Variants in STK32B observed in about 807,000 individuals in gnomAD.
STK32B encodes the protein serine/threonine kinase 32B.
In STK32B, 43 loss-of-function variants were observed where a neutral mutation model predicts 52.6. The observed-to-expected ratio is 0.82, with a 90% confidence interval of 0.64 to 1.05. The LOEUF is 1.05. Among genes scored for constraint, STK32B ranks in the 50% least tolerant of loss-of-function variants. The pLI, the probability that STK32B is intolerant of heterozygous loss-of-function variation, is 0.00. For synonymous variants in STK32B, 238 were observed against 204.3 expected (o/e 1.17, Z -1.41); for missense variants, 621 against 534.6 (o/e 1.16, Z -1.59).
chr4:5,468,219 G>C, intron 11 of STK32B, 149 bp downstream of exon 11: 1 of 750,814 alleles, frequency 1.3e-6, no homozygotes, highest in Non-Finnish European at 2.2e-6. Context: ...TCTGGTGGGG[G>C]GTGAAACTCC....
intron 3 of STK32B, among the ~76,000 whole-genome samples, chr4:5,314,960 G>GA (rs1730565332): frequency 6.6e-6 from 1 of 152,116 alleles, no homozygotes; most frequent in African/African-American, 2.4e-5. Flanking sequence ...TCATAAAAGT[G>GA]AAAATTGATA....
chr4:5,262,485 C>T (rs1283841718), intron 3 of STK32B, among the ~76,000 whole-genome samples: 1 of 151,678 alleles, frequency 6.6e-6, no homozygotes, highest in Non-Finnish European at 1.5e-5. Flanking sequence ...ATTAGCCGGC[C>T]GTGGTGGCGG....
At chr4:5,278,052 T>G (rs1267294367) in intron 3 of STK32B, among the ~76,000 whole-genome samples, 2 of 152,216 alleles carry the variant, frequency 1.3e-5, no homozygotes, top group African/African-American at 4.8e-5. Flanking sequence ...CACTTTGTTG[T>G]ACTTATCATT....
chr4:5,142,553 T>A (rs544030916), intron 2 of STK32B, among the ~76,000 whole-genome samples: 49 of 152,362 alleles, frequency 3.2e-4, no homozygotes, highest in Non-Finnish European at 5.9e-4. Flanking sequence ...GGCATTTATG[T>A]TGTCAAGTGA....
At chr4:5,334,655 A>T (rs1344544625) in intron 4 of STK32B, among the ~76,000 whole-genome samples, 2 of 151,564 alleles carry the variant, frequency 1.3e-5, no homozygotes, top group African/African-American at 2.4e-5. Flanking sequence ...TGTCCCATCA[A>T]TACCTAATTT....
At chr4:5,319,322 C>G (rs1239641752) in intron 3 of STK32B, among the ~76,000 whole-genome samples, 1 of 152,198 alleles carries the variant, frequency 6.6e-6, no homozygotes, top group East Asian at 1.9e-4. Flanking sequence ...GGGCTCATCA[C>G]TGCTTACCAA....
chr4:5,245,712 A>C (rs1725396216), intron 3 of STK32B, among the ~76,000 whole-genome samples: 1 of 152,072 alleles, frequency 6.6e-6, no homozygotes, highest in African/African-American at 2.4e-5. Flanking sequence ...GGCTGGTACC[A>C]GTTGTTCCTT....
At chr4:5,232,751 A>C (rs1724359169) in intron 3 of STK32B, among the ~76,000 whole-genome samples, 1 of 152,176 alleles carries the variant, frequency 6.6e-6, no homozygotes. Flanking sequence ...TGGGTGCTGG[A>C]CAGCTCTCCT....
intron 2 of STK32B, among the ~76,000 whole-genome samples, chr4:5,159,620 A>AATATATATATGAAT (rs1450084782): frequency 3.8e-5 from 4 of 104,602 alleles, no homozygotes; most frequent in Non-Finnish European, 5.3e-5. Flanking sequence ...AATATATATG[A>AATATATATATGAAT]ATATATATGA....
chr4:5,387,901 G>A (rs1736359568), intron 4 of STK32B, among the ~76,000 whole-genome samples: 1 of 152,150 alleles, frequency 6.6e-6, no homozygotes, highest in South Asian at 2.1e-4. Context: ...CCTGCCACAT[G>A]CCCGGCTAAT....
Position 5,254,662 on chromosome 4 carries a change from T to C in STK32B, c.261-76558T>C, listed in dbSNP as rs148661046. Among the ~76,000 whole-genome samples, 731 of 152,290 alleles carry C rather than the reference T, an allele frequency of 4.8e-3. 4 individuals are homozygous for C. The highest frequency in any genetic ancestry group is 0.016 in the African/African-American group (660 of 41,558). ...GTGTGTTATAAAATTTCCAAACATTTGGAGATTGTTTAGCTTTTTCTTATT... is the reference window on the plus strand; with the variant it reads ...GTGTGTTATAAAATTTCCAAACATTCGGAGATTGTTTAGCTTTTTCTTATT... On this transcript the variant is annotated intron_variant, in intron 3 of 11. Coordinates refer to ENST00000282908, the MANE Select transcript of STK32B (RefSeq NM_018401.3).
intron 7 of STK32B, among the ~76,000 whole-genome samples, chr4:5,450,391 A>G (rs1361633579): frequency 6.6e-6 from 1 of 151,604 alleles, no homozygotes; most frequent in Non-Finnish European, 1.5e-5. Flanking sequence ...GTCCCAACAA[A>G]CCTCAAAGTC....
chr4:5,317,775 G>C (rs1487802678), intron 3 of STK32B, among the ~76,000 whole-genome samples: 2 of 151,558 alleles, frequency 1.3e-5, no homozygotes, highest in Non-Finnish European at 2.9e-5. Context: ...AAAGAGTTAA[G>C]AGTTATTGAC....
intron 1 of STK32B, among the ~76,000 whole-genome samples, chr4:5,065,068 C>T (rs986077659): frequency 1.3e-5 from 2 of 151,790 alleles, no homozygotes; most frequent in African/African-American, 4.8e-5. Context: ...CAAGACTGAG[C>T]AATTGGACCT....
In STK32B at chr4:5,470,986, C is replaced by T. The variant is rs780160352; in HGVS notation, c.1106+2916C>T. Among the ~76,000 whole-genome samples, 10 of 152,356 alleles carry T rather than the reference C, an allele frequency of 6.6e-5. No homozygotes were observed. The highest frequency in any genetic ancestry group is 2.1e-4 in the South Asian group (1 of 4,830). Reference sequence around the variant, plus strand: ...CCACGTCCCCGGTCCCCAGCAGTTCCGCCTCCTTTCAATCTCTGCAGACCT... The same window carrying T: ...CCACGTCCCCGGTCCCCAGCAGTTCTGCCTCCTTTCAATCTCTGCAGACCT... On this transcript the variant is annotated intron_variant, in intron 11 of 11. Transcript: ENST00000282908. The surrounding 1 kb of genome is among the most constrained non-coding windows in gnomAD (Gnocchi z 4.6).
intron 3 of STK32B, among the ~76,000 whole-genome samples, chr4:5,313,970 A>G (rs578141068): frequency 6.6e-6 from 1 of 152,344 alleles, no homozygotes; most frequent in South Asian, 2.1e-4. Flanking sequence ...CATCCTGTTC[A>G]TAGATGCAAC....
At chr4:5,487,672 T>C (rs543780357) in intron 11 of STK32B, among the ~76,000 whole-genome samples, 1 of 152,204 alleles carries the variant, frequency 6.6e-6, no homozygotes, top group South Asian at 2.1e-4. Flanking sequence ...AGCAATTACG[T>C]ATTGTAAAAT....
chr4:5,312,360 A>G (rs765409257), intron 3 of STK32B, among the ~76,000 whole-genome samples: 1 of 151,784 alleles, frequency 6.6e-6, no homozygotes, highest in Non-Finnish European at 1.5e-5. Flanking sequence ...ATATGTATAC[A>G]TGTGCCACGC....
rs1491310175 is a variant in STK32B at position 5,317,373 on chromosome 4, T to TATATATATTAC, written c.261-13838_261-13828dup. 5.6e-3 allele frequency among the ~76,000 whole-genome samples: 446 copies of TATATATATTAC among 79,400 alleles called. 2 individuals carry two copies. Among genetic ancestry groups the TATATATATTAC allele is most frequent in the South Asian group, 0.015 (44 of 2,946 alleles). The allele number at this position is 79,400 out of a possible 152,430, so 52.1% of individuals were successfully genotyped here. On this transcript the variant is annotated intron_variant, in intron 3 of 11. Coordinates refer to ENST00000282908, the MANE Select transcript of STK32B (RefSeq NM_018401.3). Reference sequence around the variant, plus strand: ...TATAATATATATAATGTATATGTATTATATATATTACATATATATAATATA... The same window carrying TATATATATTAC: ...TATAATATATATAATGTATATGTATTATATATATTACATATATATTACATATATATAATATA...
Sources: allele counts gnomAD v4.1 joint callset (sites outside exome capture counted in the v4.1 genomes callset), GRCh38; gene constraint gnomAD v4.1.1; non-coding constraint Gnocchi (gnomAD v3.1); transcripts MANE v1.5; gene names NCBI Gene and HGNC (gene_info 2026-07-23, HGNC 2026-07-21).